The following SLC25A26 variants were observed in gnomAD, a reference collection of about 807,000 sequenced individuals.
SLC25A26 encodes solute carrier family 25 member 26, also known as mitochondrial S-adenosylmethionine carrier protein.
In SLC25A26, 36 loss-of-function variants were observed where a neutral mutation model predicts 37.8. The observed-to-expected ratio is 0.95, with a 90% CI of 0.73 to 1.26. The LOEUF (loss-of-function observed/expected upper bound fraction) is 1.26, where lower values mean the gene tolerates loss of function less well. Ranked by LOEUF, SLC25A26 falls within the 50% of genes most tolerant of loss-of-function variation. SLC25A26 has a pLI of 0.00. For synonymous variants in SLC25A26, 129 were observed against 122.5 expected, an observed-to-expected ratio of 1.05 and a Z score of -0.35; for missense variants, 390 against 331.1, an observed-to-expected ratio of 1.18 and a Z score of -1.38.
At chr3:66,352,760 C>T (rs563617235) in intron 6 of SLC25A26, among the ~76,000 whole-genome samples, 1 of 152,000 alleles carries the variant, frequency 6.6e-6, no homozygotes, top group Admixed American at 6.5e-5. Context: ...CAGCTCTTTC[C>T]CTAGGCCTCT....
chr3:66,319,188 G>A (rs905641412), intron 5 of SLC25A26, among the ~76,000 whole-genome samples: 5 of 152,130 alleles, frequency 3.3e-5, no homozygotes, highest in African/African-American at 1.2e-4. Flanking sequence ...GTAGAGAAGT[G>A]TATATGATGG....
intron 3 of SLC25A26, among the ~76,000 whole-genome samples, chr3:66,249,243 A>G (rs1364958986): frequency 2.2e-5 from 3 of 138,342 alleles, no homozygotes; most frequent in Non-Finnish European, 4.6e-5. Context: ...CCATGCTGTC[A>G]TAGAGCCTCG....
At chr3:66,283,154 TTAATAGTCATGTA>T (rs2074402233) in intron 5 of SLC25A26, among the ~76,000 whole-genome samples, 1 of 152,230 alleles carries the variant, frequency 6.6e-6, no homozygotes, top group South Asian at 2.1e-4. Context: ...AGAATTCCTG[TTAATAGTCATGTA>T]TAAGTTTTTG....
intron 5 of SLC25A26, among the ~76,000 whole-genome samples, chr3:66,318,806 C>T (rs2075613010): frequency 6.6e-6 from 1 of 151,972 alleles, no homozygotes; most frequent in African/African-American, 2.4e-5. Flanking sequence ...TATGCACCAC[C>T]ACATACAGCT....
rs9847478 is a variant in SLC25A26 at position 66,370,223 on chromosome 3, C to T, written c.634-306C>T. Among the ~76,000 whole-genome samples, 7,449 of 152,282 alleles carry T rather than the reference C, an allele frequency of 0.049. 597 individuals carry two copies. Among genetic ancestry groups the T allele is most frequent in the African/African-American group, 0.16 (6,806 of 41,514 alleles). ...TGTACCATTTACACTAATGATTCCC[C>T]GCCCTCCTCACATTGCTTCATAGTG... On this transcript the variant is annotated intron_variant, in intron 8 of 9. Coordinates refer to ENST00000354883, the MANE Select transcript of SLC25A26 (RefSeq NM_001379210.1).
intron 5 of SLC25A26, among the ~76,000 whole-genome samples, chr3:66,286,054 T>C (rs1451359419): frequency 1.3e-5 from 2 of 152,256 alleles, no homozygotes; most frequent in African/African-American, 4.8e-5. Flanking sequence ...CATTTTTAAT[T>C]GTACGGTTTC....
chr3:66,343,049 C>T (rs2076244561), intron 5 of SLC25A26, among the ~76,000 whole-genome samples: 1 of 152,176 alleles, frequency 6.6e-6, no homozygotes, highest in Non-Finnish European at 1.5e-5. Flanking sequence ...TTTAGAATAA[C>T]AGCCTACATC....
chr3:66,246,831 C>T (rs1002152190), intron 3 of SLC25A26, among the ~76,000 whole-genome samples: 15 of 152,088 alleles, frequency 9.9e-5, no homozygotes, highest in Non-Finnish European at 1.6e-4. Context: ...TACTGGTGTG[C>T]GCCACCAGGC....
At chr3:66,248,008 A>G (rs919158593) in intron 3 of SLC25A26, among the ~76,000 whole-genome samples, 13 of 152,248 alleles carry the variant, frequency 8.5e-5, no homozygotes, top group East Asian at 1.9e-4. Context: ...CTTTAGTGCA[A>G]TCATTATTCT....
exon 1 of SLC25A26, chr3:66,133,942 A>G (rs1035872668): frequency 6.6e-6 from 1 of 152,234 alleles, no homozygotes; most frequent in Non-Finnish European, 1.5e-5. Flanking sequence ...TACTACATAC[A>G]GATCATGAAA....
At chr3:66,182,573 G>T (rs185414470) in intron 1 of SLC25A26, among the ~76,000 whole-genome samples, 2 of 152,196 alleles carry the variant, frequency 1.3e-5, no homozygotes, top group African/African-American at 4.8e-5. Flanking sequence ...ATGCTTGAAA[G>T]GTTCCCATAG....
intron 5 of SLC25A26, among the ~76,000 whole-genome samples, chr3:66,307,411 G>T (rs80207165): frequency 6.6e-6 from 1 of 150,518 alleles, no homozygotes; most frequent in African/African-American, 2.4e-5. Flanking sequence ...TTAACCCTTT[G>T]TCAGATGGAT....
At chr3:66,184,285 CTCA>C (rs1559566342) in intron 1 of SLC25A26, among the ~76,000 whole-genome samples, 2 of 152,066 alleles carry the variant, frequency 1.3e-5, no homozygotes, top group African/African-American at 4.8e-5. Flanking sequence ...CTTTCCCACC[CTCA>C]TCATGACCCT....
chr3:66,164,263 G>T (rs1458404220), intron 1 of SLC25A26, among the ~76,000 whole-genome samples: 1 of 152,094 alleles, frequency 6.6e-6, no homozygotes, highest in East Asian at 1.9e-4. Context: ...CAAACATCTG[G>T]AAGTTATTTT....
rs201945775 is a variant in SLC25A26 at position 66,273,298 on chromosome 3, C to T, written c.453+9919C>T. ...GCCTGGCTTTGGTATCAGGATGATGCTGGCCTCATAAAATGAGTTAGGGAG... is the reference window on the plus strand; with the variant it reads ...GCCTGGCTTTGGTATCAGGATGATGTTGGCCTCATAAAATGAGTTAGGGAG... On this transcript the variant is annotated intron_variant, in intron 5 of 9. Coordinates refer to ENST00000354883, the MANE Select transcript of SLC25A26 (RefSeq NM_001379210.1). Among the ~76,000 whole-genome samples, 67 of 152,196 alleles carry T rather than the reference C, an allele frequency of 4.4e-4. 1 individual carries two copies. In the East Asian group the frequency reaches 8.3e-3, roughly 19 times the overall value.
chr3:66,359,513 A>G (rs1004620536), intron 6 of SLC25A26, among the ~76,000 whole-genome samples: 2 of 152,220 alleles, frequency 1.3e-5, no homozygotes, highest in Non-Finnish European at 2.9e-5. Context: ...ACTCTTTGGA[A>G]CATTTAAAGA....
chr3:66,224,615 C>G (rs568624756), intron 1 of SLC25A26, among the ~76,000 whole-genome samples: 1 of 152,294 alleles, frequency 6.6e-6, no homozygotes, highest in Admixed American at 6.5e-5. Context: ...CTGGCCTCTC[C>G]CAAATCTCCT....
chr3:66,195,214 A>T (rs2071025366), intron 1 of SLC25A26, among the ~76,000 whole-genome samples: 1 of 152,156 alleles, frequency 6.6e-6, no homozygotes, highest in African/African-American at 2.4e-5. Flanking sequence ...CCCCCTACCC[A>T]GAATCTGCAG....
chr3:66,194,657 T>A, intron 1 of SLC25A26, among the ~76,000 whole-genome samples: 1 of 152,166 alleles, frequency 6.6e-6, no homozygotes, highest in Non-Finnish European at 1.5e-5. Flanking sequence ...CAGGCTGGAG[T>A]GCAATGGCAC....
Sources: allele counts gnomAD v4.1 joint callset (sites outside exome capture counted in the v4.1 genomes callset), GRCh38; gene constraint gnomAD v4.1.1; transcripts MANE v1.5; gene names NCBI Gene and HGNC (gene_info 2026-07-23, HGNC 2026-07-21).